Variants in CEP72 observed in about 807,000 individuals in gnomAD.
CEP72 encodes centrosomal protein of 72 kDa.
CEP72 carries 78 observed loss-of-function variants against 65.7 expected under a neutral mutation model. That is an observed-to-expected ratio of 1.19 (90% confidence interval 0.99 to 1.43). The LOEUF (loss-of-function observed/expected upper bound fraction) is 1.43. Among genes scored for constraint, CEP72 ranks in the 40% most tolerant of loss-of-function variants. The pLI is 0.00. For synonymous variants in CEP72, 358 were observed against 351.7 expected (o/e 1.02, Z -0.20); for missense variants, 914 against 832.9 (o/e 1.10, Z -1.20).
intron 3 of CEP72, among the ~76,000 whole-genome samples, chr5:621,402 C>G (rs1485818635): frequency 6.6e-6 from 1 of 152,230 alleles, no homozygotes; most frequent in African/African-American, 2.4e-5. Context: ...TCTTAGAGAA[C>G]TGAGATTTGT....
chr5:634,290 C>T (rs989161327), intron 5 of CEP72, among the ~76,000 whole-genome samples: 32 of 152,300 alleles, frequency 2.1e-4, no homozygotes, highest in African/African-American at 6.3e-4. Flanking sequence ...GCATAGTCAC[C>T]GAACTTGCAG....
chr5:649,319 CTG>C (rs1278549455), intron 11 of CEP72, among the ~76,000 whole-genome samples: 1 of 111,408 alleles, frequency 9.0e-6, no homozygotes, highest in Admixed American at 1.0e-4. Flanking sequence ...TGAGGCGTGA[CTG>C]TGAGGCGTGA....
chr5:675,410 G>GCAGTGGGGCCAGGGGTA, the CEP72 span, among the ~76,000 whole-genome samples: 12 of 115,966 alleles, frequency 1.0e-4, no homozygotes, highest in African/African-American at 3.3e-4. Context: ...GGCCAGGGGT[G>GCAGTGGGGCCAGGGGTA]CAGTGTGGCC....
At chr5:669,658 G>T (rs528863485), downstream of CEP72, among the ~76,000 whole-genome samples, 1 of 152,164 alleles carries the variant, frequency 6.6e-6, no homozygotes, top group Non-Finnish European at 1.5e-5. Flanking sequence ...GTCACTCGGC[G>T]GGAGGGGGAT....
At chr5:653,712 A>G (rs1382967990), downstream of CEP72, among the ~76,000 whole-genome samples, 1 of 152,076 alleles carries the variant, frequency 6.6e-6, no homozygotes, top group Non-Finnish European at 1.5e-5. Flanking sequence ...CCTTAAAAAT[A>G]TTGTCTTATG....
At chr5:647,698 TTTTCTG>T in intron 10 of CEP72, 101 bp from the exon 11 acceptor site, 1 of 757,838 alleles carries the variant, frequency 1.3e-6, no homozygotes, top group South Asian at 1.8e-5. Flanking sequence ...GCTATATTCT[TTTTCTG>T]GTAACCAAGA....
rs546923456 is a variant in CEP72 at position 629,138 on chromosome 5, A to C, written c.512+4559A>C. Among the ~76,000 whole-genome samples the C allele has an allele frequency of 1.2e-4, 18 of 152,006 alleles. No homozygotes were observed. In the South Asian group the frequency reaches 3.7e-3, roughly 32 times the overall value. On this transcript the variant is annotated intron_variant, in intron 4 of 11. Coordinates refer to ENST00000264935, the MANE Select transcript of CEP72 (RefSeq NM_018140.4). ...GGTTTGTTTTGTGTAGATATCTCTT[A>C]ACTGCCTTTGTTGGAAACAAGGTCC...
intron 4 of CEP72, chr5:666,139 C>CGACTTAGGGCACAGGT (rs2126867042): frequency 1.9e-6 from 3 of 1,608,220 alleles, no homozygotes; most frequent in African/African-American, 1.3e-5. Context: ...GGGGCACAGG[C>CGACTTAGGGCACAGGT]GACTTAGGGC....
In CEP72 at chr5:649,714, G is replaced by A. The variant is rs555646722; in HGVS notation, c.1778+1798G>A. 7.9e-5 allele frequency among the ~76,000 whole-genome samples: 7 copies of A among 88,418 alleles called. No homozygotes were observed. The South Asian group carries it at 2.8e-3, about 35-fold the overall frequency. 58.0% of individuals were successfully genotyped at this position (88,418 alleles called of 152,430 possible). ...TGGACTGTGAGGCGTGGACTGTGAG[G>A]GGTGACCGTGAGGCGTGGACTGTGA... On this transcript the variant is annotated intron_variant, in intron 11 of 11. Transcript: ENST00000264935.
At chr5:649,890 CTG>C (rs1415772823) in intron 11 of CEP72, among the ~76,000 whole-genome samples, 1 of 108,170 alleles carries the variant, frequency 9.2e-6, no homozygotes. Context: ...TGAGGTGGGA[CTG>C]TGAGGTGTGA....
chr5:654,892 G>C (rs1008561730), downstream of CEP72, among the ~76,000 whole-genome samples: 1 of 128,594 alleles, frequency 7.8e-6, no homozygotes, highest in African/African-American at 2.5e-5. Flanking sequence ...CTGTGATACT[G>C]TCTCTCAGGT....
chr5:638,991 C>G, intron 7 of CEP72, 98 bp from the exon 8 acceptor site: 1 of 1,491,090 alleles, frequency 6.7e-7, no homozygotes, highest in African/African-American at 1.4e-5. Flanking sequence ...TCCTCCCCTT[C>G]GTGGTGCGAG....
intron 8 of CEP72, among the ~76,000 whole-genome samples, chr5:640,021 TGGCGGG>T (rs1737896807): frequency 6.6e-6 from 1 of 152,176 alleles, no homozygotes; most frequent in Non-Finnish European, 1.5e-5. Context: ...CCATCGTCGG[TGGCGGG>T]GGGACTGTCC....
rs533475296 is a variant in CEP72 at position 623,151 on chromosome 5, G to A, written c.404-1320G>A. Among the ~76,000 whole-genome samples, 20 of 151,550 alleles carry A rather than the reference G, an allele frequency of 1.3e-4. No homozygotes were observed. The highest frequency in any genetic ancestry group is 4.2e-4 in the South Asian group (2 of 4,788). ...GTTTCTGCAGAGAAGGAGCGCAGCC[G>A]TCTCCCTCTTAGTGTTTCTGCAGAG... is the stretch of plus-strand genomic sequence containing the variant. On this transcript the variant is annotated intron_variant, in intron 3 of 11. Transcript: ENST00000264935. This position sits in a 1 kb window ranked among gnomAD's most constrained non-coding sequence, Gnocchi z 5.3.
Position 644,539 on chromosome 5 carries a change from G to T in CEP72, c.1666+114G>T. 27 of 1,269,526 alleles carry T rather than the reference G, an allele frequency of 2.1e-5. No homozygotes were observed. In the South Asian group the frequency reaches 3.2e-4, roughly 15 times the overall value. 78.6% of individuals were successfully genotyped at this position (1,269,526 alleles called of 1,614,324 possible). On this transcript the variant is annotated intron_variant, in intron 10 of 11. Coordinates refer to ENST00000264935, the MANE Select transcript of CEP72 (RefSeq NM_018140.4). ...AAGTGAGCAGCAGCAGACGCAGTTG[G>T]TAAGTGGGGAGCCGAGCCCCTGCCT... is the stretch of plus-strand genomic sequence containing the variant.
Position 653,137 on chromosome 5 carries a change from G to T in CEP72, c.1928G>T (p.Gly643Val). ...CCACACAGCAGCGCCAGCCATGGAG[G>T]CTGCCAGGCCTGCTGACTCCTGCCG... Reference protein sequence around the residue: ...LFPHSSASHGGCQAC With the variant: ...LFPHSSASHGVCQAC Residue 643 changes from glycine to valine, a missense_variant, in exon 12 of 12, where the codon GGC (glycine) becomes GTC (valine). Transcript: ENST00000264935. 1 of 1,608,416 alleles carries T rather than the reference G, an allele frequency of 6.2e-7. No homozygotes were observed. Among genetic ancestry groups the T allele is most frequent in the Non-Finnish European group, 8.5e-7 (1 of 1,178,404 alleles).
chr5:646,297 A>T (rs1738419920), intron 10 of CEP72, among the ~76,000 whole-genome samples: 1 of 152,154 alleles, frequency 6.6e-6, no homozygotes, highest in Middle Eastern at 3.4e-3. Context: ...TCTAATTATG[A>T]CTTACGTTGT....
Position 645,196 on chromosome 5 carries a change from A to G in CEP72, c.1666+771A>G, listed in dbSNP as rs954992736. 1.3e-5 allele frequency among the ~76,000 whole-genome samples: 2 copies of G among 151,874 alleles called. No individual in the cohort carries two copies. The highest frequency in any genetic ancestry group is 4.8e-5 in the African/African-American group (2 of 41,312). On this transcript the variant is annotated intron_variant, in intron 10 of 11. Transcript: ENST00000264935. The surrounding 1 kb of genome is among the most constrained non-coding windows in gnomAD (Gnocchi z 4.0). ...TGTGGGTCTCACGATGTCTGTCCCAACCAGCGGTGGCCTTTGCGGCAGGGA... is the reference window on the plus strand; with the variant it reads ...TGTGGGTCTCACGATGTCTGTCCCAGCCAGCGGTGGCCTTTGCGGCAGGGA...
At chr5:619,376 G>T (rs1355571437) in intron 2 of CEP72, among the ~76,000 whole-genome samples, 1 of 152,230 alleles carries the variant, frequency 6.6e-6, no homozygotes, top group Non-Finnish European at 1.5e-5. Flanking sequence ...TGGCAGTGCA[G>T]TGGGCCTGGG....
Sources: gnomAD v4.1 joint callset for allele counts (sites outside exome capture counted in the v4.1 genomes callset) on GRCh38, gnomAD v4.1.1 for gene constraint, Gnocchi (gnomAD v3.1) non-coding constraint, MANE v1.5 for transcripts, NCBI Gene and HGNC (gene_info 2026-07-23, HGNC 2026-07-21) for gene names.